The following SLC17A1 variants were observed in gnomAD, a reference collection of about 807,000 sequenced individuals.
SLC17A1 encodes solute carrier family 17 member 1.
A neutral mutation model predicts 53.5 loss-of-function variants in SLC17A1; 51 were observed. That is an observed-to-expected ratio of 0.95 (90% CI 0.76 to 1.20). The LOEUF (loss-of-function observed/expected upper bound fraction) is 1.20. Ranked by LOEUF, SLC17A1 falls within the 50% of genes most tolerant of loss-of-function variation. The probability of loss-of-function intolerance (pLI) is 0.00; values close to 1 mark genes in which losing one functional copy is unlikely to be tolerated. For missense variants in SLC17A1, 538 were observed against 568.2 expected, an observed-to-expected ratio of 0.95 and a Z score of 0.54; for synonymous variants, 179 against 198.8, an observed-to-expected ratio of 0.90 and a Z score of 0.84.
At chr6:25,741,202 C>T in the SLC17A1 span, among the ~76,000 whole-genome samples, 5 of 152,010 alleles carry the variant, frequency 3.3e-5, no homozygotes, top group African/African-American at 4.8e-5. Context: ...ACATTTGAGG[C>T]GATAGATATC....
At chr6:25,771,402 C>T in the SLC17A1 span, among the ~76,000 whole-genome samples, 5 of 151,808 alleles carry the variant, frequency 3.3e-5, no homozygotes, top group South Asian at 2.1e-4. Flanking sequence ...GGTTAAACCC[C>T]GTCTCTACTA....
downstream of SLC17A1, chr6:25,778,063 G>A (rs1581432485): frequency 7.7e-7 from 1 of 1,295,382 alleles, no homozygotes; most frequent in Non-Finnish European, 1.1e-6. Context: ...AACCTATAGA[G>A]GCATGGTTTT....
chr6:25,791,304 T>C (rs1184115220), intron 12 of SLC17A1, among the ~76,000 whole-genome samples: 2 of 152,184 alleles, frequency 1.3e-5, no homozygotes, highest in South Asian at 4.1e-4. Flanking sequence ...AAACAGCTGA[T>C]ACTAGAAAAT....
the SLC17A1 span, among the ~76,000 whole-genome samples, chr6:25,775,490 C>T: frequency 6.6e-6 from 1 of 152,030 alleles, no homozygotes; most frequent in Non-Finnish European, 1.5e-5. Flanking sequence ...GGCTGGAGTG[C>T]AGTGTTTCAC....
chr6:25,733,673 T>TGGACACACTGAGATATAAA, the SLC17A1 span, among the ~76,000 whole-genome samples: 5 of 152,046 alleles, frequency 3.3e-5, no homozygotes, highest in East Asian at 9.6e-4. Context: ...TGAGATATAA[T>TGGACACACTGAGATATAAA]GGACACACTG....
the SLC17A1 span, among the ~76,000 whole-genome samples, chr6:25,744,020 A>T: frequency 6.6e-6 from 1 of 152,320 alleles, no homozygotes; most frequent in East Asian, 1.9e-4. Flanking sequence ...GGCAAGGTCC[A>T]TTCAGGGAGA....
At chr6:25,810,444 A>G (rs1157248883) in intron 10 of SLC17A1, among the ~76,000 whole-genome samples, 1 of 152,154 alleles carries the variant, frequency 6.6e-6, no homozygotes, top group Non-Finnish European at 1.5e-5. Flanking sequence ...AAATGGGCAA[A>G]GGACCTGAAT....
At chr6:25,829,224 C>T (rs1206483806) in intron 2 of SLC17A1, among the ~76,000 whole-genome samples, 6 of 152,036 alleles carry the variant, frequency 3.9e-5, no homozygotes, top group South Asian at 2.1e-4. Context: ...CCTAGCGATG[C>T]GATAGTGTAT....
At chr6:25,814,146 G>A (rs1004193240) in intron 6 of SLC17A1, among the ~76,000 whole-genome samples, 1 of 152,160 alleles carries the variant, frequency 6.6e-6, no homozygotes, top group Non-Finnish European at 1.5e-5. Context: ...TGAATAATTT[G>A]ACTGTGAGGA....
chr6:25,816,322 AAT>A (rs1764355094), intron 6 of SLC17A1, among the ~76,000 whole-genome samples: 1 of 152,212 alleles, frequency 6.6e-6, no homozygotes, highest in South Asian at 2.1e-4. Flanking sequence ...ATCTTATGCA[AAT>A]AGTGCCTCCT....
At chr6:25,823,213 C>T (rs1764624402) in intron 3 of SLC17A1, among the ~76,000 whole-genome samples, 1 of 152,028 alleles carries the variant, frequency 6.6e-6, no homozygotes, top group Non-Finnish European at 1.5e-5. Context: ...TACTGATGGA[C>T]ATATAGGTTA....
At chr6:25,753,639 A>G in the SLC17A1 span, among the ~76,000 whole-genome samples, 2 of 152,214 alleles carry the variant, frequency 1.3e-5, no homozygotes, top group Non-Finnish European at 2.9e-5. Context: ...AAAGTATAGA[A>G]TGAAGGCTGA....
Position 25,800,927 on chromosome 6 carries a change from A to T in SLC17A1, c.1232T>A (p.Leu411Gln). The change falls in exon 11 of 13, where the codon CTA becomes CAA. Residue 411 changes from leucine to glutamine, a missense_variant. Coordinates refer to ENST00000244527, the MANE Select transcript of SLC17A1 (RefSeq NM_005074.5). Reference protein sequence around the residue: ...CSTLTGMIGGLIASTLTGLIL... With the variant: ...CSTLTGMIGGQIASTLTGLIL... ...CAATCCAGTCAAAGTGGAAGCAATT[A>T]GTCCTCCTATCATTCCAGTTAAAGT... 6.2e-7 allele frequency: 1 copy of T among 1,610,262 alleles called. No individual in the cohort carries two copies. Among genetic ancestry groups the T allele is most frequent in the Non-Finnish European group, 8.5e-7 (1 of 1,176,674 alleles).
chr6:25,744,875 T>A, the SLC17A1 span, among the ~76,000 whole-genome samples: 1 of 152,192 alleles, frequency 6.6e-6, no homozygotes, highest in Admixed American at 6.5e-5. Flanking sequence ...TATTACATTC[T>A]GAATAGCCCG....
the SLC17A1 span, chr6:25,769,938 T>C: frequency 1.3e-6 from 1 of 764,040 alleles, no homozygotes; most frequent in Non-Finnish European, 2.2e-6. Context: ...ATGATACTGG[T>C]ATATTGGAGG....
the SLC17A1 span, chr6:25,762,147 T>G: frequency 5.1e-5 from 54 of 1,058,514 alleles, no homozygotes; most frequent in East Asian, 1.4e-3. Context: ...CTGTGGCATC[T>G]TTTGTTGATA....
chr6:25,819,689 G>A lies in SLC17A1; in HGVS notation c.434C>T (p.Ala145Val), dbSNP rs766286917. The part of the protein sequence containing the change: ...WVVVCRAVQG[A>V]AQGIVATAQF... ...TTAGCATTATTTTAATACCTGGGCT[G>A]CTCCCTGAACTGCTCGACATACAAC... Residue 145 changes from alanine (A) to valine (V), a missense_variant, in exon 4 of 13, where the codon GCA becomes GTA. By Grantham distance (64) the Ala-to-Val change is moderately conservative (BLOSUM62 0). Coordinates refer to ENST00000244527, the MANE Select transcript of SLC17A1 (RefSeq NM_005074.5). 5 of 1,613,912 alleles carry A rather than the reference G, an allele frequency of 3.1e-6. 1 individual carries two copies. In the South Asian group the frequency reaches 3.3e-5, roughly 11 times the overall value.
chr6:25,803,092 G>A (rs557218806), intron 10 of SLC17A1, among the ~76,000 whole-genome samples: 3 of 151,018 alleles, frequency 2.0e-5, no homozygotes, highest in Non-Finnish European at 3.0e-5. Flanking sequence ...GACTACAGGC[G>A]CCCACCACCA....
At chr6:25,741,569 G>A in the SLC17A1 span, among the ~76,000 whole-genome samples, 1 of 152,022 alleles carries the variant, frequency 6.6e-6, no homozygotes, top group Admixed American at 6.6e-5. Flanking sequence ...ACAAAAATTA[G>A]CTGGGCGTGG....
Sources: allele counts gnomAD v4.1 joint callset (sites outside exome capture counted in the v4.1 genomes callset), GRCh38; gene constraint gnomAD v4.1.1; transcripts MANE v1.5; gene names NCBI Gene and HGNC (gene_info 2026-07-23, HGNC 2026-07-21).